CCDC178: variants seen among roughly 807,000 people sequenced by gnomAD.
CCDC178 encodes coiled-coil domain containing 178.
A neutral mutation model predicts 117.4 loss-of-function variants in CCDC178; 126 were observed. The observed-to-expected ratio is 1.07, with a 90% CI of 0.93 to 1.24. The LOEUF is 1.24. Ranked by LOEUF, CCDC178 falls within the 50% of genes most tolerant of loss-of-function variation. The pLI is 0.00. For synonymous variants in CCDC178, 283 were observed against 313.4 expected (o/e 0.90, Z 1.02); for missense variants, 1,030 against 986.9 (o/e 1.04, Z -0.59).
chr18:33,346,323 T>G lies in CCDC178; in HGVS notation c.546A>C (p.Ala182=). 6.2e-7 allele frequency: 1 copy of G among 1,613,646 alleles called. No individual in the cohort carries two copies. Among genetic ancestry groups the G allele is most frequent in the Non-Finnish European group, 8.5e-7 (1 of 1,179,562 alleles). Residue 182 remains alanine (A), a synonymous_variant, in exon 9 of 23, where the codon GCA becomes GCC. Transcript: ENST00000383096. ...RLIKSLETDR[A]DAEEALKQQR... is the part of the protein sequence containing the mutation. ...GTTGTTTTAAAGCTTCTTCAGCGTC[T>G]GCCCGGTCAGTTTCTAGACTTTTAA...
chr18:33,134,213 C>T (rs1428352130), intron 20 of CCDC178, among the ~76,000 whole-genome samples: 1 of 151,888 alleles, frequency 6.6e-6, no homozygotes, highest in African/African-American at 2.4e-5. Context: ...TTTTAATATT[C>T]TACTCACACA....
intron 21 of CCDC178, among the ~76,000 whole-genome samples, chr18:33,064,822 A>C (rs2056983282): frequency 6.6e-6 from 1 of 152,220 alleles, no homozygotes; most frequent in Non-Finnish European, 1.5e-5. Context: ...TCAAGTGTCC[A>C]ACAACGAACA....
At chr18:33,333,715 T>A (rs1420324696) in intron 9 of CCDC178, among the ~76,000 whole-genome samples, 1 of 151,966 alleles carries the variant, frequency 6.6e-6, no homozygotes, top group African/African-American at 2.4e-5. Flanking sequence ...TTTCTCCATG[T>A]TGGTCGGGCT....
At chr18:33,044,067 GTA>G (rs10686742) in intron 21 of CCDC178, among the ~76,000 whole-genome samples, 15 of 149,330 alleles carry the variant, frequency 1.0e-4, no homozygotes, top group African/African-American at 2.9e-4. Context: ...GTGTGTGTGT[GTA>G]TGTGTGTGTG....
chr18:33,107,210 T>G (rs2057718992), intron 20 of CCDC178, among the ~76,000 whole-genome samples: 2 of 151,696 alleles, frequency 1.3e-5, no homozygotes, highest in Non-Finnish European at 3.0e-5. Context: ...GCAACCCAGG[T>G]AACTGTGTTA....
chr18:33,328,123 GAC>G (rs1213848097), intron 10 of CCDC178: 1 of 220,702 alleles, frequency 4.5e-6, no homozygotes, highest in Non-Finnish European at 7.9e-6. Context: ...TTTTTTTTGA[GAC>G]AGAGTCTTGC....
intron 11 of CCDC178, among the ~76,000 whole-genome samples, chr18:33,320,898 A>G (rs1300690998): frequency 2.6e-5 from 4 of 152,220 alleles, no homozygotes; most frequent in African/African-American, 4.8e-5. Context: ...AGAGATAGGG[A>G]CCAATGGAAT....
At chr18:33,323,334 T>G (rs2062540068) in intron 11 of CCDC178, 157 bp downstream of exon 11, 2 of 394,414 alleles carry the variant, frequency 5.1e-6, no homozygotes. Context: ...ATATATATCT[T>G]TTTATTTACA....
At chr18:33,351,689 T>C (rs968554008) in intron 7 of CCDC178, among the ~76,000 whole-genome samples, 2 of 152,110 alleles carry the variant, frequency 1.3e-5, no homozygotes, top group Non-Finnish European at 2.9e-5. Flanking sequence ...ACTACTGGCA[T>C]GCGCCACCAC....
At chr18:33,264,199 A>G (rs2059786114) in intron 14 of CCDC178, among the ~76,000 whole-genome samples, 2 of 152,134 alleles carry the variant, frequency 1.3e-5, no homozygotes, top group Admixed American at 1.3e-4. Flanking sequence ...GCCTACATAT[A>G]GACTTGCCAG....
At chr18:33,182,562 A>G (rs749825813) in intron 20 of CCDC178, among the ~76,000 whole-genome samples, 2 of 151,940 alleles carry the variant, frequency 1.3e-5, no homozygotes, top group Non-Finnish European at 2.9e-5. Flanking sequence ...GGGAGTTGAA[A>G]TTTCCTGACA....
chr18:33,245,030 A>C (rs9953343), intron 15 of CCDC178, among the ~76,000 whole-genome samples: 10,231 of 151,988 alleles, frequency 0.067, 513 homozygotes, highest in African/African-American at 0.14. Context: ...CAAAAAGTAG[A>C]AACAATTGTG....
At chr18:33,083,157 T>C (rs2057323900) in intron 21 of CCDC178, among the ~76,000 whole-genome samples, 1 of 152,218 alleles carries the variant, frequency 6.6e-6, no homozygotes, top group African/African-American at 2.4e-5. Flanking sequence ...GATTCTGCTG[T>C]TACTCTCATT....
At chr18:33,312,858 C>T (rs1448461795) in intron 11 of CCDC178, among the ~76,000 whole-genome samples, 1 of 152,180 alleles carries the variant, frequency 6.6e-6, no homozygotes, top group Non-Finnish European at 1.5e-5. Flanking sequence ...CACCCTCCTT[C>T]CATCTGAAGA....
At chr18:33,041,858 A>G (rs1418266214) in intron 21 of CCDC178, among the ~76,000 whole-genome samples, 1 of 151,838 alleles carries the variant, frequency 6.6e-6, no homozygotes, top group African/African-American at 2.4e-5. Flanking sequence ...AAGAAGCTCA[A>G]TGAAGAAAAA....
At chr18:33,233,282 C>G (rs1482165291) in intron 15 of CCDC178, among the ~76,000 whole-genome samples, 3 of 152,010 alleles carry the variant, frequency 2.0e-5, no homozygotes, top group Non-Finnish European at 4.4e-5. Flanking sequence ...CCAGAAAGCT[C>G]TAATTTACAC....
chr18:33,399,648 A>G (rs1420953034), intron 3 of CCDC178, among the ~76,000 whole-genome samples: 1 of 152,190 alleles, frequency 6.6e-6, no homozygotes, highest in African/African-American at 2.4e-5. Flanking sequence ...ATGAGATTGC[A>G]GCAATTCAGT....
At chr18:33,324,391 CT>C (rs1279052650) in intron 10 of CCDC178, among the ~76,000 whole-genome samples, 28 of 152,038 alleles carry the variant, frequency 1.8e-4, no homozygotes, top group African/African-American at 6.7e-4. Flanking sequence ...TATAGTTATA[CT>C]GCAGGTTCTT....
chr18:33,011,801 A>AAAAAAAAAAG (rs2055876257), intron 21 of CCDC178, among the ~76,000 whole-genome samples: 1 of 140,752 alleles, frequency 7.1e-6, no homozygotes, highest in Non-Finnish European at 1.5e-5. Flanking sequence ...AAAAAAAAAA[A>AAAAAAAAAAG]AAAAAAAGGA....
Sources: allele counts gnomAD v4.1 joint callset (sites outside exome capture counted in the v4.1 genomes callset), GRCh38; gene constraint gnomAD v4.1.1; transcripts MANE v1.5; gene names NCBI Gene and HGNC (gene_info 2026-07-23, HGNC 2026-07-21).